PLCL1: variants seen among roughly 807,000 people sequenced by gnomAD.
PLCL1 encodes the protein inactive phospholipase C-like protein 1.
A neutral mutation model predicts 84.4 loss-of-function variants in PLCL1; 41 were observed. The observed-to-expected ratio is 0.49, with a 90% confidence interval of 0.38 to 0.63. The LOEUF is 0.63. Among genes scored for constraint, PLCL1 ranks in the 30% least tolerant of loss-of-function variants. The pLI is 0.00. For synonymous variants in PLCL1, 490 were observed against 488.3 expected, an observed-to-expected ratio of 1.00 and a Z score of -0.05; for missense variants, 1,206 against 1,367.8, an observed-to-expected ratio of 0.88 and a Z score of 1.87.
intron 1 of PLCL1, among the ~76,000 whole-genome samples, chr2:197,887,959 G>T (rs1291157071): frequency 6.6e-6 from 1 of 152,020 alleles, no homozygotes; most frequent in Non-Finnish European, 1.5e-5. Flanking sequence ...AAGTGCGGTG[G>T]TGTGTGGCTC....
At chr2:198,141,181 CTT>C (rs1356907833) in intron 5 of PLCL1, among the ~76,000 whole-genome samples, 2 of 152,110 alleles carry the variant, frequency 1.3e-5, no homozygotes, top group Non-Finnish European at 2.9e-5. Context: ...AAAAATTTAA[CTT>C]TTTAAATAGC....
chr2:198,020,478 G>A (rs1483045097), intron 1 of PLCL1, among the ~76,000 whole-genome samples: 2 of 151,840 alleles, frequency 1.3e-5, no homozygotes, highest in Non-Finnish European at 1.5e-5. Context: ...TTGGTGTGCT[G>A]TATTCAGGAG....
At chr2:197,900,140 T>C (rs1052759027) in intron 1 of PLCL1, among the ~76,000 whole-genome samples, 1 of 152,218 alleles carries the variant, frequency 6.6e-6, no homozygotes, top group African/African-American at 2.4e-5. Flanking sequence ...AAATGTAAGC[T>C]CTTTGAGAGC....
rs549533579 is a variant in PLCL1, at chr2:198,082,006, T to C, written c.241-1752T>C. Among the ~76,000 whole-genome samples the C allele has an allele frequency of 4.6e-5, 7 of 152,346 alleles. No individual in the cohort carries two copies. In the East Asian group the frequency reaches 1.3e-3, roughly 29 times the overall value. On this transcript the variant is annotated intron_variant, in intron 1 of 5. Coordinates refer to ENST00000428675, the MANE Select transcript of PLCL1 (RefSeq NM_006226.4). ...ATCACCGAAGATTTGTCTGAAATGT[T>C]CGGAAGTCAGGAATGAATTAACTTC...
intron 1 of PLCL1, among the ~76,000 whole-genome samples, chr2:197,865,259 C>T (rs1394836659): frequency 1.3e-5 from 2 of 152,042 alleles, no homozygotes; most frequent in African/African-American, 4.8e-5. Context: ...GGACGTAGGT[C>T]AGATAGTTTA....
intron 1 of PLCL1, among the ~76,000 whole-genome samples, chr2:197,880,577 A>G (rs1317760824): frequency 6.6e-6 from 1 of 152,192 alleles, no homozygotes; most frequent in East Asian, 1.9e-4. Flanking sequence ...TTCCTGGACT[A>G]TAAGGAAAAA....
chr2:197,853,208 T>A (rs1022621449), intron 1 of PLCL1, among the ~76,000 whole-genome samples: 1 of 152,236 alleles, frequency 6.6e-6, no homozygotes, highest in Non-Finnish European at 1.5e-5. Flanking sequence ...TCCTTCCTTT[T>A]AAATTCTGAA....
At chr2:197,957,598 T>C (rs1689518853) in intron 1 of PLCL1, among the ~76,000 whole-genome samples, 2 of 152,078 alleles carry the variant, frequency 1.3e-5, no homozygotes, top group South Asian at 4.1e-4. Context: ...GTTGCCAGTT[T>C]GCTGATTCCC....
At chr2:197,845,659 A>T (rs983058550) in intron 1 of PLCL1, among the ~76,000 whole-genome samples, 3 of 152,090 alleles carry the variant, frequency 2.0e-5, no homozygotes, top group African/African-American at 7.2e-5. Context: ...CTCCATCCTA[A>T]AACTCTGATT....
rs188924160 is a variant in PLCL1, at chr2:198,057,594, T to C, written c.241-26164T>C. On this transcript the variant is annotated intron_variant, in intron 1 of 5. Transcript: ENST00000428675. ...GAAAATCCATCAAGATGTATATTTA[T>C]AATTTGTGTACTTTTCTGTATATAT... Among the ~76,000 whole-genome samples the C allele has an allele frequency of 7.7e-3, 1,173 of 152,324 alleles. 14 individuals carry two copies. Among genetic ancestry groups the C allele is most frequent in the South Asian group, 0.028 (133 of 4,828 alleles).
intron 1 of PLCL1, among the ~76,000 whole-genome samples, chr2:198,069,302 A>G (rs1692408754): frequency 6.6e-6 from 1 of 151,902 alleles, no homozygotes; most frequent in South Asian, 2.1e-4. Flanking sequence ...AACAGCTTGG[A>G]CAACATGGCA....
intron 1 of PLCL1, among the ~76,000 whole-genome samples, chr2:198,059,023 C>G (rs181778622): frequency 6.6e-6 from 1 of 152,094 alleles, no homozygotes; most frequent in Non-Finnish European, 1.5e-5. Context: ...GCCTATAACC[C>G]CCAACAGGAA....
At chr2:198,074,965 A>G (rs2105888485) in intron 1 of PLCL1, among the ~76,000 whole-genome samples, 1 of 152,350 alleles carries the variant, frequency 6.6e-6, no homozygotes, top group South Asian at 2.1e-4. Flanking sequence ...TAATTGGAGC[A>G]TTACATTTAA....
chr2:198,076,064 A>T lies in PLCL1; in HGVS notation c.241-7694A>T, dbSNP rs183777650. On this transcript the variant is annotated intron_variant, in intron 1 of 5. Coordinates refer to ENST00000428675, the MANE Select transcript of PLCL1 (RefSeq NM_006226.4). Reference sequence around the variant, plus strand: ...CTTTTATTTAGATTGTCCCTTCTTAATGAGTTCTAATGAGCAAATGATTGC... The same window carrying T: ...CTTTTATTTAGATTGTCCCTTCTTATTGAGTTCTAATGAGCAAATGATTGC... Among the ~76,000 whole-genome samples, 54 of 152,358 alleles carry T rather than the reference A, an allele frequency of 3.5e-4. 2 individuals are homozygous for T. Among genetic ancestry groups the T allele is most frequent in the Middle Eastern group, 6.8e-3 (2 of 294 alleles).
In PLCL1 at chr2:197,805,198, C is replaced by T; in HGVS notation, c.99C>T (p.Cys33=). The change falls in exon 1 of 6, where the codon TGC becomes TGT. Residue 33 remains cysteine (C), a synonymous_variant. Coordinates refer to ENST00000428675, the MANE Select transcript of PLCL1 (RefSeq NM_006226.4). This position sits in a 1 kb window ranked among gnomAD's most constrained non-coding sequence, Gnocchi z 4.0. ...PRVGPDAAGD[C]VTAASGGRMR... is the part of the protein sequence containing the mutation. Reference sequence around the variant, plus strand: ...TGGGCCCGGATGCCGCCGGGGACTGCGTGACGGCGGCCTCTGGGGGCCGGA... The same window carrying T: ...TGGGCCCGGATGCCGCCGGGGACTGTGTGACGGCGGCCTCTGGGGGCCGGA... 1 of 1,276,706 alleles carries T rather than the reference C, an allele frequency of 7.8e-7. No individual in the cohort carries two copies. The highest frequency in any genetic ancestry group is 2.7e-5 in the South Asian group (1 of 37,306). 79.1% of individuals were successfully genotyped at this position (1,276,706 alleles called of 1,614,324 possible).
At chr2:198,142,732 C>G (rs1294890500) in intron 5 of PLCL1, among the ~76,000 whole-genome samples, 1 of 152,012 alleles carries the variant, frequency 6.6e-6, no homozygotes, top group Non-Finnish European at 1.5e-5. Flanking sequence ...GTTGTCCCAT[C>G]AGCATCAGTC....
At chr2:198,003,687 T>A (rs1462700176) in intron 1 of PLCL1, among the ~76,000 whole-genome samples, 1 of 152,232 alleles carries the variant, frequency 6.6e-6, no homozygotes, top group Non-Finnish European at 1.5e-5. Context: ...TCTGTCATCA[T>A]TAAAGTGGTT....
chr2:197,897,742 G>A (rs1406895292), intron 1 of PLCL1, among the ~76,000 whole-genome samples: 1 of 152,100 alleles, frequency 6.6e-6, no homozygotes, highest in Admixed American at 6.5e-5. Context: ...GCATTAAGAG[G>A]CAAATTTGTT....
chr2:197,984,758 T>C (rs1409796795), intron 1 of PLCL1, among the ~76,000 whole-genome samples: 1 of 151,922 alleles, frequency 6.6e-6, no homozygotes, highest in Non-Finnish European at 1.5e-5. Context: ...TCTTACTTAC[T>C]GCATTAGAAA....
Sources: allele counts gnomAD v4.1 joint callset (sites outside exome capture counted in the v4.1 genomes callset), GRCh38; gene constraint gnomAD v4.1.1; non-coding constraint Gnocchi (gnomAD v3.1); transcripts MANE v1.5; gene names NCBI Gene and HGNC (gene_info 2026-07-23, HGNC 2026-07-21).